Variants in CACNA1B observed in about 807,000 individuals in gnomAD.
The protein encoded by CACNA1B is calcium voltage-gated channel subunit alpha1 B.
CACNA1B carries 70 observed loss-of-function variants against 247.2 expected under a neutral mutation model. The ratio of observed to expected loss-of-function variants is 0.28; its 90% CI spans 0.23 to 0.35. The LOEUF is 0.35. CACNA1B is among the 10% of genes least tolerant of loss of function. The probability of loss-of-function intolerance (pLI) is 1.00; values close to 1 mark genes in which losing one functional copy is unlikely to be tolerated. For missense variants in CACNA1B, 2,367 were observed against 3,197.4 expected (o/e 0.74, Z 6.26); for synonymous variants, 1,231 against 1,294.4 (o/e 0.95, Z 1.05).
At chr9:138,001,817 C>T (rs1162480660) in intron 15 of CACNA1B, among the ~76,000 whole-genome samples, 1 of 152,078 alleles carries the variant, frequency 6.6e-6, no homozygotes, top group Admixed American at 6.5e-5. Context: ...ACAGTAGTAA[C>T]AAAACTTCCA....
chr9:138,055,135 T>C (rs1331524041), intron 26 of CACNA1B, among the ~76,000 whole-genome samples: 2 of 151,722 alleles, frequency 1.3e-5, no homozygotes, highest in Non-Finnish European at 2.9e-5. Context: ...TTTTCTTTTT[T>C]TTTTTTTTTG....
intron 26 of CACNA1B, among the ~76,000 whole-genome samples, chr9:138,056,827 C>T (rs1959517139): frequency 1.3e-5 from 2 of 152,096 alleles, no homozygotes; most frequent in African/African-American, 4.8e-5. Flanking sequence ...ATTTGCCTTT[C>T]CCTGATGATG....
rs1282671064 is a variant in CACNA1B, at chr9:137,882,143, A to G, written c.391-601A>G. ...GTGCATGTTCTGGTTACCCGGGTGC[A>G]TGTTGAATGCATAAACGGGGCCTGG... On this transcript the variant is annotated intron_variant, in intron 2 of 46. Transcript: ENST00000371372. The surrounding 1 kb of genome is among the most constrained non-coding windows in gnomAD (Gnocchi z 4.0). Among the ~76,000 whole-genome samples the G allele has an allele frequency of 2.0e-5, 3 of 152,130 alleles. No homozygotes were observed. Among genetic ancestry groups the G allele is most frequent in the South Asian group, 4.1e-4 (2 of 4,820 alleles).
chr9:138,112,778 G>A (rs1349919446), intron 40 of CACNA1B, among the ~76,000 whole-genome samples: 2 of 152,288 alleles, frequency 1.3e-5, no homozygotes, highest in African/African-American at 2.4e-5. Context: ...GGATCCCACA[G>A]GGATGTGAGG....
At chr9:138,017,219 G>A (rs755566374) in intron 18 of CACNA1B, 4 of 518,824 alleles carry the variant, frequency 7.7e-6, no homozygotes, top group Admixed American at 3.9e-5. Context: ...GCTCTGCTAC[G>A]ATATTCCATC....
In CACNA1B at chr9:138,046,917, T is replaced by C; in HGVS notation, c.3427T>C (p.Cys1143Arg). The C allele has an allele frequency of 6.2e-7, 1 of 1,613,668 alleles. No individual in the cohort carries two copies. Among genetic ancestry groups the C allele is most frequent in the Non-Finnish European group, 8.5e-7 (1 of 1,179,616 alleles). ...LSPTNLLRRF[C>R]HYIVTMRYFE... ...CTTCCCTCACAGGCTCCGCCGCTTC[T>C]GCCACTACATCGTGACCATGAGGTA... is the stretch of plus-strand genomic sequence containing the variant. Residue 1143 changes from cysteine (C) to arginine (R), a missense_variant, in exon 22 of 47, where the codon TGC becomes CGC. By Grantham distance (180) the Cys-to-Arg change is radical. Transcript: ENST00000371372.
chr9:138,023,895 C>T, intron 19 of CACNA1B, 84 bp downstream of exon 19: 2 of 702,736 alleles, frequency 2.8e-6, no homozygotes, highest in South Asian at 3.2e-5. Context: ...GCCATGGGGT[C>T]CACGGCGGAG....
chr9:138,092,890 A>G lies in CACNA1B; in HGVS notation c.5095-3594A>G, dbSNP rs201088620. Among the ~76,000 whole-genome samples the G allele has an allele frequency of 3.3e-5, 5 of 152,364 alleles. No individual in the cohort carries two copies. The East Asian group carries it at 5.8e-4, about 18-fold the overall frequency. ...CTGACTTCCTGCAACAAGCTCCTGC[A>G]CAGCCAGTGAAATAATCAACAGAGT... On this transcript the variant is annotated intron_variant, in intron 36 of 46. Coordinates refer to ENST00000371372, the MANE Select transcript of CACNA1B (RefSeq NM_000718.4).
intron 23 of CACNA1B, 81 bp downstream of exon 23, chr9:138,047,539 G>T (rs1959194597): frequency 1.0e-6 from 1 of 964,730 alleles, no homozygotes; most frequent in African/African-American, 1.6e-5. Flanking sequence ...GGCAGTGGTT[G>T]AACCACAATT....
chr9:138,009,555 C>T (rs570069155), intron 16 of CACNA1B, among the ~76,000 whole-genome samples: 18 of 152,152 alleles, frequency 1.2e-4, no homozygotes, highest in Non-Finnish European at 2.2e-4. Flanking sequence ...GGCAGTGGAG[C>T]CCCACCTGGA....
At chr9:138,115,148 G>A (rs541816965) in intron 41 of CACNA1B, among the ~76,000 whole-genome samples, 12 of 152,254 alleles carry the variant, frequency 7.9e-5, no homozygotes, top group African/African-American at 2.2e-4. Flanking sequence ...CTGAAATCTC[G>A]GAATTTTGCT....
Position 138,059,580 on chromosome 9 carries a change from A to G in CACNA1B, c.4585-74A>G. On this transcript the variant is annotated intron_variant, in intron 30 of 46. Transcript: ENST00000371372. The surrounding 1 kb of genome is among the most constrained non-coding windows in gnomAD (Gnocchi z 4.2). ...CCTCACCGCTTTCTTAATCAGGGCC[A>G]CCACCTATATATACCTCTTTGCCAA... 1 of 882,970 alleles carries G rather than the reference A, an allele frequency of 1.1e-6. No individual in the cohort carries two copies. The highest frequency in any genetic ancestry group is 1.4e-5 in the South Asian group (1 of 72,804). 54.7% of individuals were successfully genotyped at this position (882,970 alleles called of 1,614,324 possible). A position where few individuals can be genotyped will look rare whatever the true frequency, so the allele number is the denominator to read the frequency against.
rs1379843742 is a variant in CACNA1B at position 137,882,011 on chromosome 9, C to T, written c.391-733C>T. 6.6e-6 allele frequency among the ~76,000 whole-genome samples: 1 copy of T among 152,216 alleles called. No homozygotes were observed. Among genetic ancestry groups the T allele is most frequent in the Non-Finnish European group, 1.5e-5 (1 of 68,036 alleles). Reference sequence around the variant, plus strand: ...CCAGGGTGGCTCCCAGCTTCAGGCTCAGACTGTGGCTGGCTGCCTCCAGGG... The same window carrying T: ...CCAGGGTGGCTCCCAGCTTCAGGCTTAGACTGTGGCTGGCTGCCTCCAGGG... On this transcript the variant is annotated intron_variant, in intron 2 of 46. Coordinates refer to ENST00000371372, the MANE Select transcript of CACNA1B (RefSeq NM_000718.4). The surrounding 1 kb of genome is among the most constrained non-coding windows in gnomAD (Gnocchi z 4.0).
intron 21 of CACNA1B, among the ~76,000 whole-genome samples, chr9:138,044,472 G>A (rs1413720501): frequency 1.3e-5 from 2 of 152,218 alleles, no homozygotes; most frequent in African/African-American, 4.8e-5. Context: ...CGACAGACAC[G>A]ACAAATAAGT....
At chr9:137,977,827 G>C (rs1291440302) in intron 12 of CACNA1B, among the ~76,000 whole-genome samples, 1 of 152,180 alleles carries the variant, frequency 6.6e-6, no homozygotes, top group Non-Finnish European at 1.5e-5. Flanking sequence ...GGAGTGATGA[G>C]TGGGAGCATT....
chr9:138,050,584 G>A lies in CACNA1B; in HGVS notation c.3710+1269G>A, dbSNP rs1959239434. ...AAGCATCAGCTTAGGCCTTGGGAGTGGGAACACTGCAGCCAGGGGTCCCCC... is the reference window on the plus strand; with the variant it reads ...AAGCATCAGCTTAGGCCTTGGGAGTAGGAACACTGCAGCCAGGGGTCCCCC... On this transcript the variant is annotated intron_variant, in intron 24 of 46. Coordinates refer to ENST00000371372, the MANE Select transcript of CACNA1B (RefSeq NM_000718.4). The surrounding 1 kb of genome is among the most constrained non-coding windows in gnomAD (Gnocchi z 5.2). Among the ~76,000 whole-genome samples the A allele has an allele frequency of 2.0e-5, 3 of 152,340 alleles. No homozygotes were observed. The highest frequency in any genetic ancestry group is 2.1e-4 in the South Asian group (1 of 4,828).
chr9:137,966,731 A>G (rs1293193865), intron 10 of CACNA1B, among the ~76,000 whole-genome samples: 12 of 142,066 alleles, frequency 8.4e-5, no homozygotes, highest in South Asian at 4.5e-4. Flanking sequence ...GTAGAGAAGG[A>G]GTTTCACCAT....
At chr9:138,078,059 G>C (rs1000269828) in intron 35 of CACNA1B, 55 bp from the exon 36 acceptor site, 17 of 1,566,694 alleles carry the variant, frequency 1.1e-5, no homozygotes, top group Non-Finnish European at 1.4e-5. Context: ...GCCCCACAGG[G>C]CTCGGGCTCC....
chr9:138,023,874 C>T (rs935314528), intron 19 of CACNA1B, 63 bp downstream of exon 19: 1 of 812,440 alleles, frequency 1.2e-6, no homozygotes, highest in South Asian at 1.5e-5. Context: ...CGGGCCCCAG[C>T]GGTGGCTGCG....
Sources: gnomAD v4.1 joint callset for allele counts (sites outside exome capture counted in the v4.1 genomes callset) on GRCh38, gnomAD v4.1.1 for gene constraint, Gnocchi (gnomAD v3.1) non-coding constraint, MANE v1.5 for transcripts, NCBI Gene and HGNC (gene_info 2026-07-23, HGNC 2026-07-21) for gene names.